The following MAN2A1 variants were observed in gnomAD, a reference collection of about 807,000 sequenced individuals.
The protein encoded by MAN2A1 is mannosidase alpha class 2A member 1, also known as alpha-mannosidase 2.
In MAN2A1, 76 loss-of-function variants were observed where a neutral mutation model predicts 142.6. The observed-to-expected ratio is 0.53, with a 90% CI of 0.44 to 0.65. The LOEUF (loss-of-function observed/expected upper bound fraction) is 0.65. Ranked by LOEUF, MAN2A1 falls within the 30% of genes least tolerant of loss-of-function variation. The pLI, the probability that MAN2A1 is intolerant of heterozygous loss-of-function variation, is 0.00. For synonymous variants in MAN2A1, 559 were observed against 473.2 expected, an observed-to-expected ratio of 1.18 and a Z score of -2.35; for missense variants, 1,311 against 1,365.1, an observed-to-expected ratio of 0.96 and a Z score of 0.62.
intron 16 of MAN2A1, among the ~76,000 whole-genome samples, chr5:109,833,208 T>A (rs1754969719): frequency 6.7e-6 from 1 of 148,830 alleles, no homozygotes; most frequent in Non-Finnish European, 1.5e-5. Flanking sequence ...GCAGAGGGGC[T>A]CCTCACATCC....
intron 1 of MAN2A1, among the ~76,000 whole-genome samples, chr5:109,700,594 A>G (rs1011207307): frequency 6.6e-6 from 1 of 152,220 alleles, no homozygotes; most frequent in African/African-American, 2.4e-5. Context: ...TGGTGTTTTT[A>G]GAATCCAGTG....
intron 4 of MAN2A1, among the ~76,000 whole-genome samples, chr5:109,747,186 T>C (rs1158726496): frequency 3.9e-5 from 6 of 152,160 alleles, no homozygotes; most frequent in Admixed American, 3.9e-4. Context: ...CTGGATCACA[T>C]AATAATTCTA....
At chr5:109,731,858 G>C (rs1228793648) in intron 4 of MAN2A1, among the ~76,000 whole-genome samples, 3 of 148,526 alleles carry the variant, frequency 2.0e-5, no homozygotes, top group Admixed American at 1.3e-4. Context: ...ATGATTTATA[G>C]TCCTTTGGGT....
intron 16 of MAN2A1, among the ~76,000 whole-genome samples, chr5:109,837,237 C>T (rs1755080333): frequency 6.6e-6 from 1 of 151,294 alleles, no homozygotes. Context: ...GTATTACTTT[C>T]TTGGCTTCTA....
chr5:109,713,556 T>C lies in MAN2A1; in HGVS notation c.172T>C (p.Leu58=). Residue 58 remains leucine (L), a synonymous_variant, in exon 2 of 22, where the codon TTG becomes CTG. Transcript: ENST00000261483. The part of the protein sequence containing the change: ...LSMLQEKIDH[L]ERLLAENNEI... ...AATGTTGCAAGAAAAAATAGACCAT[T>C]TGGAGCGTTTGCTAGCTGAGAATAA... 6.2e-7 allele frequency: 1 copy of C among 1,613,096 alleles called. No homozygotes were observed. Among genetic ancestry groups the C allele is most frequent in the Non-Finnish European group, 8.5e-7 (1 of 1,179,116 alleles).
At position 109,788,915 on chromosome 5, in the gene MAN2A1, T is replaced by A; in HGVS notation, c.1761-19T>A. 8.5e-7 allele frequency: 1 copy of A among 1,182,222 alleles called. No individual in the cohort carries two copies. The highest frequency in any genetic ancestry group is 1.3e-6 in the Non-Finnish European group (1 of 794,790). The allele number at this position is 1,182,222 out of a possible 1,614,324, so 73.2% of individuals were successfully genotyped here. A position where few individuals can be genotyped will look rare whatever the true frequency, so the allele number is the denominator to read the frequency against. On this transcript the variant is annotated intron_variant, in intron 10 of 21. Coordinates refer to ENST00000261483, the MANE Select transcript of MAN2A1 (RefSeq NM_002372.4). ...ATTTTTAAATTGTTTCTCAGACTAATAAAATTTTTGATTTACAGACTTTTT... is the reference window on the plus strand; with the variant it reads ...ATTTTTAAATTGTTTCTCAGACTAAAAAAATTTTTGATTTACAGACTTTTT...
At chr5:109,841,287 C>G (rs1330006070) in intron 16 of MAN2A1, among the ~76,000 whole-genome samples, 1 of 152,148 alleles carries the variant, frequency 6.6e-6, no homozygotes, top group African/African-American at 2.4e-5. Flanking sequence ...TCTTTTATCC[C>G]TCGCCCCCCT....
At chr5:109,864,871 A>C in intron 20 of MAN2A1, 165 bp from the exon 21 acceptor site, 1 of 613,792 alleles carries the variant, frequency 1.6e-6, no homozygotes, top group East Asian at 2.8e-5. Context: ...GAATGGTAGC[A>C]GGTGAATGGG....
At chr5:109,797,675 G>A in intron 12 of MAN2A1, among the ~76,000 whole-genome samples, 1 of 152,026 alleles carries the variant, frequency 6.6e-6, no homozygotes, top group East Asian at 1.9e-4. Flanking sequence ...GAGCTGAAAA[G>A]GCCTCCCTTT....
At chr5:109,828,907 T>C (rs569809029) in intron 16 of MAN2A1, among the ~76,000 whole-genome samples, 4 of 152,336 alleles carry the variant, frequency 2.6e-5, no homozygotes, top group African/African-American at 9.6e-5. Context: ...TGCTTAGTTT[T>C]TCTCTGAGCA....
chr5:109,774,835 G>T lies in MAN2A1; in HGVS notation c.1244G>T (p.Arg415Leu). 4 of 1,611,544 alleles carry T rather than the reference G, an allele frequency of 2.5e-6. No individual in the cohort carries two copies. The highest frequency in any genetic ancestry group is 2.5e-6 in the Non-Finnish European group (3 of 1,179,374). The change falls in exon 8 of 22, where the codon CGT becomes CTT. Residue 415 changes from arginine to leucine, a missense_variant. Arg to Leu is a moderately radical substitution (Grantham distance 102, BLOSUM62 -2). Coordinates refer to ENST00000261483, the MANE Select transcript of MAN2A1 (RefSeq NM_002372.4). ...TACCGAAAGAAGTCAAAGCTTTTTCGTACCAAAGTTCTCCTGGCTCCACTA... is the reference window on the plus strand; with the variant it reads ...TACCGAAAGAAGTCAAAGCTTTTTCTTACCAAAGTTCTCCTGGCTCCACTA... ...DQYRKKSKLFRTKVLLAPLGD... is the reference protein window; with the variant it reads ...DQYRKKSKLFLTKVLLAPLGD...
At chr5:109,728,346 T>C (rs1372734327) in intron 3 of MAN2A1, among the ~76,000 whole-genome samples, 1 of 152,208 alleles carries the variant, frequency 6.6e-6, no homozygotes, top group African/African-American at 2.4e-5. Context: ...CCTCTTACTC[T>C]TTAATTCTCT....
At position 109,713,874 on chromosome 5, in the gene MAN2A1, T is replaced by C. The variant is rs989365190; in HGVS notation, c.390+100T>C. On this transcript the variant is annotated intron_variant, in intron 2 of 21. Coordinates refer to ENST00000261483, the MANE Select transcript of MAN2A1 (RefSeq NM_002372.4). ...TTCTGACTTGGTAAGTTGCTTAAAC[T>C]CTTTGGATTCTAGTTTCTCTTTTTG... 15 of 1,070,802 alleles carry C rather than the reference T, an allele frequency of 1.4e-5. No homozygotes were observed. The African/African-American group carries it at 2.1e-4, about 15-fold the overall frequency. 66.3% of individuals were successfully genotyped at this position (1,070,802 alleles called of 1,614,324 possible).
chr5:109,809,231 ATTC>A (rs1754255342), intron 12 of MAN2A1, among the ~76,000 whole-genome samples: 1 of 152,144 alleles, frequency 6.6e-6, no homozygotes, highest in Non-Finnish European at 1.5e-5. Flanking sequence ...TGATTTTAAT[ATTC>A]TTTTAGTATT....
chr5:109,720,884 G>A (rs935563039), intron 3 of MAN2A1, among the ~76,000 whole-genome samples: 21 of 152,168 alleles, frequency 1.4e-4, no homozygotes, highest in Admixed American at 7.2e-4. Context: ...GAAGTTGTAC[G>A]TGAACACTGT....
chr5:109,716,000 A>C, intron 2 of MAN2A1, 120 bp from the exon 3 acceptor site: 1 of 604,552 alleles, frequency 1.7e-6, no homozygotes, highest in Middle Eastern at 4.6e-4. Context: ...TGTCTACAGA[A>C]ATAGTTTTAT....
chr5:109,839,010 T>A (rs1203411074), intron 16 of MAN2A1, among the ~76,000 whole-genome samples: 1 of 152,200 alleles, frequency 6.6e-6, no homozygotes, highest in Non-Finnish European at 1.5e-5. Flanking sequence ...TTGTTAAGGC[T>A]TTATTTCATT....
chr5:109,802,913 A>G (rs1446560666), intron 12 of MAN2A1, among the ~76,000 whole-genome samples: 2 of 152,024 alleles, frequency 1.3e-5, no homozygotes, highest in African/African-American at 2.4e-5. Flanking sequence ...TGCATCAGGC[A>G]GTTTAAAGTT....
At chr5:109,706,967 G>A (rs534129085) in intron 1 of MAN2A1, among the ~76,000 whole-genome samples, 1 of 152,242 alleles carries the variant, frequency 6.6e-6, no homozygotes, top group African/African-American at 2.4e-5. Flanking sequence ...TTATCTTGGG[G>A]TTCTTTTTCC....
Sources: allele counts gnomAD v4.1 joint callset (sites outside exome capture counted in the v4.1 genomes callset), GRCh38; gene constraint gnomAD v4.1.1; transcripts MANE v1.5; gene names NCBI Gene and HGNC (gene_info 2026-07-23, HGNC 2026-07-21).